SCRG1: variants seen among roughly 807,000 people sequenced by gnomAD.
SCRG1 encodes the protein stimulator of chondrogenesis 1, also known as scrapie-responsive protein 1.
SCRG1 carries 3 observed loss-of-function variants against 7.7 expected under a neutral mutation model. The ratio of observed to expected loss-of-function variants is 0.39; its 90% CI spans 0.18 to 1.01. The LOEUF is 1.01. SCRG1 is among the 50% of genes least tolerant of loss of function. The pLI, the probability that SCRG1 is intolerant of heterozygous loss-of-function variation, is 0.36. For synonymous variants in SCRG1, 46 were observed against 41.2 expected, an observed-to-expected ratio of 1.12 and a Z score of -0.44; for missense variants, 110 against 117.2, an observed-to-expected ratio of 0.94 and a Z score of 0.28.
rs902576428 is a variant in SCRG1 at position 173,386,699 on chromosome 4, C to T, written c.*1642G>A. On this transcript the variant is annotated 3_prime_UTR_variant, in exon 3 of 3. Transcript: ENST00000296506. ...ACTTTTATTCATAAAATGATATCTCCCAGATTGCCTGTGTGGTATGGTGTC... is the reference window on the plus strand; with the variant it reads ...ACTTTTATTCATAAAATGATATCTCTCAGATTGCCTGTGTGGTATGGTGTC... 2.6e-5 allele frequency: 4 copies of T among 152,096 alleles called. No individual in the cohort carries two copies. The highest frequency in any genetic ancestry group is 2.6e-4 in the Admixed American group (4 of 15,272). 9.4% of individuals were successfully genotyped at this position (152,096 alleles called of 1,614,324 possible).
At chr4:173,437,521 A>G in the SCRG1 span, among the ~76,000 whole-genome samples, 6 of 152,240 alleles carry the variant, frequency 3.9e-5, no homozygotes, top group Non-Finnish European at 7.3e-5. Context: ...CCTTAAGAAA[A>G]ACAAAAGGTC....
chr4:173,432,312 T>TC, the SCRG1 span, among the ~76,000 whole-genome samples: 1 of 108,196 alleles, frequency 9.2e-6, no homozygotes, highest in African/African-American at 3.5e-5. Flanking sequence ...CCTCCCTCCC[T>TC]CCTTCCCTTC....
the SCRG1 span, among the ~76,000 whole-genome samples, chr4:173,481,776 T>G: frequency 6.6e-6 from 1 of 152,212 alleles, no homozygotes; most frequent in Non-Finnish European, 1.5e-5. Context: ...TAGCTTACTT[T>G]ACTGTAAGAA....
the SCRG1 span, among the ~76,000 whole-genome samples, chr4:173,447,223 G>A: frequency 2.0e-5 from 3 of 152,264 alleles, no homozygotes; most frequent in African/African-American, 7.2e-5. Context: ...TTCTTGCTGT[G>A]TCCTCACATG....
At chr4:173,458,550 T>A in the SCRG1 span, among the ~76,000 whole-genome samples, 4 of 152,030 alleles carry the variant, frequency 2.6e-5, no homozygotes, top group Non-Finnish European at 4.4e-5. Flanking sequence ...GAAAAGACAA[T>A]AATCACCATC....
the SCRG1 span, among the ~76,000 whole-genome samples, chr4:173,445,974 C>T: frequency 6.6e-6 from 1 of 152,050 alleles, no homozygotes; most frequent in Non-Finnish European, 1.5e-5. Flanking sequence ...TTTAAGGAGA[C>T]TTTTAAGGAG....
chr4:173,495,307 T>C, the SCRG1 span, among the ~76,000 whole-genome samples: 3 of 152,350 alleles, frequency 2.0e-5, no homozygotes, highest in Admixed American at 6.5e-5. Flanking sequence ...AGAATGACTA[T>C]TAATTTGAGG....
At chr4:173,507,424 G>A in the SCRG1 span, among the ~76,000 whole-genome samples, 1 of 152,162 alleles carries the variant, frequency 6.6e-6, no homozygotes, top group Admixed American at 6.5e-5. The surrounding 1 kb of genome is among the most constrained non-coding windows in gnomAD (Gnocchi z 4.4). Context: ...TGGCCAGGCT[G>A]GTCTTGAACT....
the SCRG1 span, among the ~76,000 whole-genome samples, chr4:173,423,328 C>A: frequency 6.2e-4 from 95 of 152,262 alleles, 1 homozygote; most frequent in East Asian, 4.4e-3. Flanking sequence ...CATGGACTAA[C>A]TCTTCAAGTC....
the SCRG1 span, among the ~76,000 whole-genome samples, chr4:173,460,042 C>T: frequency 2.4e-4 from 37 of 152,278 alleles, no homozygotes; most frequent in Admixed American, 5.2e-4. Flanking sequence ...CCTGTCGTCC[C>T]GTCCCCGCTG....
At chr4:173,507,215 G>A in the SCRG1 span, among the ~76,000 whole-genome samples, 4 of 151,994 alleles carry the variant, frequency 2.6e-5, no homozygotes, top group African/African-American at 4.8e-5. The surrounding 1 kb of genome is among the most constrained non-coding windows in gnomAD (Gnocchi z 4.4). Flanking sequence ...TTGTTTGTTT[G>A]TTTGTTTGTT....
intron 1 of SCRG1, among the ~76,000 whole-genome samples, chr4:173,391,932 A>G (rs1320559752): frequency 1.3e-5 from 2 of 152,210 alleles, no homozygotes; most frequent in Non-Finnish European, 2.9e-5. Flanking sequence ...AGTCACGCAC[A>G]GGCTGTAGGC....
At chr4:173,471,625 C>T in the SCRG1 span, among the ~76,000 whole-genome samples, 1 of 152,132 alleles carries the variant, frequency 6.6e-6, no homozygotes, top group Non-Finnish European at 1.5e-5. Context: ...GATTGACTTG[C>T]CTGGTAAGTA....
chr4:173,397,207 A>G (rs978637405), intron 1 of SCRG1, among the ~76,000 whole-genome samples: 2 of 152,226 alleles, frequency 1.3e-5, no homozygotes, highest in Non-Finnish European at 2.9e-5. Context: ...CCTGGGATAC[A>G]TTGGTTGTTG....
At chr4:173,402,817 CT>C (rs1739795339), upstream of SCRG1, among the ~76,000 whole-genome samples, 1 of 152,114 alleles carries the variant, frequency 6.6e-6, no homozygotes, top group Non-Finnish European at 1.5e-5. Flanking sequence ...AGAGGTAGGA[CT>C]TTTTTTATGT....
At chr4:173,433,824 A>G in the SCRG1 span, among the ~76,000 whole-genome samples, 1 of 152,182 alleles carries the variant, frequency 6.6e-6, no homozygotes, top group Non-Finnish European at 1.5e-5. Flanking sequence ...CTGTCCTACA[A>G]GCTCCTGATG....
chr4:173,461,327 C>A, the SCRG1 span, among the ~76,000 whole-genome samples: 2 of 152,184 alleles, frequency 1.3e-5, no homozygotes, highest in Non-Finnish European at 2.9e-5. Context: ...CAGGGGTACT[C>A]GTGTTACTCC....
chr4:173,405,292 G>C lies in SCRG1; in HGVS notation c.-747-860C>G, dbSNP rs904323320. ...CTTGGGTTATGTGTTTGTAGAAAGA[G>C]GACCACAGAGTTAAAGTGCCATTTC... On this transcript the variant is annotated intron_variant and NMD_transcript_variant, in intron 1 of 8. Coordinates refer to the SCRG1 transcript ENST00000512188. Among the ~76,000 whole-genome samples the C allele has an allele frequency of 3.9e-5, 6 of 152,242 alleles. No individual in the cohort carries two copies. The East Asian group carries it at 9.6e-4, about 24-fold the overall frequency.
rs374527746 is a variant in SCRG1, at chr4:173,390,405, C to A, written c.242+768G>T. 5.3e-4 allele frequency among the ~76,000 whole-genome samples: 80 copies of A among 151,584 alleles called. 1 individual carries two copies. Among genetic ancestry groups the A allele is most frequent in the African/African-American group, 1.8e-3 (76 of 41,344 alleles). On this transcript the variant is annotated intron_variant, in intron 2 of 2. Coordinates refer to ENST00000296506, the MANE Select transcript of SCRG1 (RefSeq NM_007281.4). ...ATAGAGCTAGAAATTTATTTTTGAC[C>A]GTTACTAAACTTTTCTGTTCAGTTA...
Sources: gnomAD v4.1 joint callset for allele counts (sites outside exome capture counted in the v4.1 genomes callset) on GRCh38, gnomAD v4.1.1 for gene constraint, Gnocchi (gnomAD v3.1) non-coding constraint, MANE v1.5 for transcripts, NCBI Gene and HGNC (gene_info 2026-07-23, HGNC 2026-07-21) for gene names.